SCN10A: variants seen among roughly 807,000 people sequenced by gnomAD.
SCN10A encodes sodium voltage-gated channel alpha subunit 10, also known as sodium channel protein type 10 subunit alpha.
In SCN10A, 162 loss-of-function variants were observed where a neutral mutation model predicts 170.7. The ratio of observed to expected loss-of-function variants is 0.95; its 90% confidence interval spans 0.84 to 1.08. The LOEUF (loss-of-function observed/expected upper bound fraction) is 1.08, where lower values mean the gene tolerates loss of function less well. Ranked by LOEUF, SCN10A falls within the 50% of genes least tolerant of loss-of-function variation. The pLI, the probability that SCN10A is intolerant of heterozygous loss-of-function variation, is 0.00. For missense variants in SCN10A, 2,527 were observed against 2,436.9 expected (o/e 1.04, Z -0.78); for synonymous variants, 985 against 904.6 (o/e 1.09, Z -1.59).
intron 20 of SCN10A, among the ~76,000 whole-genome samples, chr3:38,722,010 G>A (rs2063394621): frequency 6.6e-6 from 1 of 152,184 alleles, no homozygotes; most frequent in Non-Finnish European, 1.5e-5. Context: ...ATAGTGGGAG[G>A]CATACACTCA....
intron 11 of SCN10A, among the ~76,000 whole-genome samples, chr3:38,753,095 G>C (rs1364510293): frequency 6.6e-6 from 1 of 152,206 alleles, no homozygotes; most frequent in African/African-American, 2.4e-5. Context: ...GGCTTGAACA[G>C]TCAACAATGG....
At chr3:38,730,165 G>T (rs916922652) in intron 15 of SCN10A, among the ~76,000 whole-genome samples, 7 of 152,180 alleles carry the variant, frequency 4.6e-5, no homozygotes, top group African/African-American at 1.7e-4. Context: ...ATCCCAAAGA[G>T]CTATACCCTT....
intron 1 of SCN10A, among the ~76,000 whole-genome samples, chr3:38,796,108 A>T (rs77508894): frequency 8.5e-4 from 130 of 152,178 alleles, no homozygotes; most frequent in African/African-American, 3.0e-3. Context: ...TCAGTGTCTC[A>T]TGAGCACCTC....
Position 38,752,497 on chromosome 3 carries a change from C to A in SCN10A, c.1477G>T (p.Ala493Ser). 1.3e-6 allele frequency: 2 copies of A among 1,590,892 alleles called. No individual in the cohort carries two copies. Among genetic ancestry groups the A allele is most frequent in the Non-Finnish European group, 1.7e-6 (2 of 1,167,560 alleles). The change falls in exon 12 of 28, where the codon GCC (alanine) becomes TCC (serine). Residue 493 changes from alanine to serine, a missense_variant. Transcript: ENST00000449082. ...TGACTAGCCCGGCGTTTTCCAGAGG[C>A]GAGGCCTAGAAAAGACTGGGCATTG... ...NQRRMSFLGL[A>S]SGKRRASHGS...
At chr3:38,726,536 T>C (rs2063456754) in intron 17 of SCN10A, 70 bp downstream of exon 17, 1 of 1,263,282 alleles carries the variant, frequency 7.9e-7, no homozygotes, top group East Asian at 2.3e-5. Flanking sequence ...ATTTCCCTTT[T>C]GCCCTTTGTC....
chr3:38,742,575 T>C (rs748883560), intron 13 of SCN10A, 46 bp from the exon 14 acceptor site: 2 of 1,474,952 alleles, frequency 1.4e-6, no homozygotes, highest in Non-Finnish European at 9.5e-7. Context: ...ATGTGTCACC[T>C]TGGACCCCAA....
At position 38,785,163 on chromosome 3, in the gene SCN10A, C is replaced by T. The variant is rs1316816581; in HGVS notation, c.470+3793G>A. Among the ~76,000 whole-genome samples, 33 of 152,020 alleles carry T rather than the reference C, an allele frequency of 2.2e-4. 1 individual carries two copies. The highest frequency in any genetic ancestry group is 2.0e-3 in the Admixed American group (31 of 15,246). ...ATTTCATGTGGAACAAAAAAGAGCC[C>T]GCATAGTCAAGACAATTCTAAGCAA... On this transcript the variant is annotated intron_variant, in intron 4 of 27. Coordinates refer to ENST00000449082, the MANE Select transcript of SCN10A (RefSeq NM_006514.4).
At chr3:38,785,643 A>G (rs967741169) in intron 4 of SCN10A, among the ~76,000 whole-genome samples, 1 of 152,346 alleles carries the variant, frequency 6.6e-6, no homozygotes, top group East Asian at 1.9e-4. Flanking sequence ...GAATCCAATT[A>G]AACTAAAGAG....
At chr3:38,743,904 C>T (rs1262389370) in intron 13 of SCN10A, among the ~76,000 whole-genome samples, 7 of 152,144 alleles carry the variant, frequency 4.6e-5, no homozygotes, top group East Asian at 1.9e-4. Flanking sequence ...TACCTGCCTC[C>T]GTTAAATCTC....
At chr3:38,706,801 C>A (rs750213847) in intron 26 of SCN10A, among the ~76,000 whole-genome samples, 1 of 152,132 alleles carries the variant, frequency 6.6e-6, no homozygotes, top group African/African-American at 2.4e-5. Flanking sequence ...GGCCACTTGA[C>A]CACTACCATG....
intron 11 of SCN10A, among the ~76,000 whole-genome samples, chr3:38,752,913 C>T (rs1204254831): frequency 6.6e-6 from 1 of 152,216 alleles, no homozygotes; most frequent in Non-Finnish European, 1.5e-5. Flanking sequence ...CTACTATGCA[C>T]ACCAGTACTG....
chr3:38,711,241 A>G (rs1311627093), intron 23 of SCN10A, among the ~76,000 whole-genome samples: 3 of 152,148 alleles, frequency 2.0e-5, no homozygotes, highest in African/African-American at 7.2e-5. Flanking sequence ...CAGGGCTGCC[A>G]TTTTCTCAGC....
rs867785573 is a variant in SCN10A at position 38,756,842 on chromosome 3, C to A, written c.1122G>T (p.Met374Ile). The A allele has an allele frequency of 6.2e-7, 1 of 1,614,036 alleles. No homozygotes were observed. Among genetic ancestry groups the A allele is most frequent in the African/African-American group, 1.3e-5 (1 of 74,912 alleles). Residue 374 changes from methionine to isoleucine, a missense_variant, in exon 10 of 28, where the codon ATG (methionine) becomes ATT (isoleucine). Coordinates refer to ENST00000449082, the MANE Select transcript of SCN10A (RefSeq NM_006514.4). Reference protein sequence around the residue: ...QTLRTSGKIYMIFFVLVIFLG... With the variant: ...QTLRTSGKIYIIFFVLVIFLG... ...GGAAGATTACGAGCACAAAAAAGAT[C>A]ATATAGATTTTCCCAGAAGTCCTCA...
At chr3:38,719,351 G>T (rs1199994886) in intron 20 of SCN10A, among the ~76,000 whole-genome samples, 1 of 147,588 alleles carries the variant, frequency 6.8e-6, no homozygotes, top group African/African-American at 2.5e-5. Context: ...TGCTGTGGCT[G>T]TGGGGGGCTG....
chr3:38,793,646 C>T, intron 2 of SCN10A, 95 bp downstream of exon 2: 1 of 1,294,382 alleles, frequency 7.7e-7, no homozygotes, highest in Non-Finnish European at 1.1e-6. Flanking sequence ...CAGACTGCCA[C>T]ATCACCCAGG....
chr3:38,768,904 T>C (rs1056730114), intron 5 of SCN10A, among the ~76,000 whole-genome samples: 1 of 152,190 alleles, frequency 6.6e-6, no homozygotes, highest in African/African-American at 2.4e-5. Flanking sequence ...TTAGGTTTGG[T>C]TGTTTCACAT....
At chr3:38,772,189 CGTT>C (rs1191539746) in intron 4 of SCN10A, among the ~76,000 whole-genome samples, 1 of 152,050 alleles carries the variant, frequency 6.6e-6, no homozygotes, top group African/African-American at 2.4e-5. Flanking sequence ...TTCTGCTCCT[CGTT>C]AAGTTTCCAG....
Position 38,726,392 on chromosome 3 carries a change from C to T in SCN10A, c.3087+214G>A, listed in dbSNP as rs532903401. Among the ~76,000 whole-genome samples, 14 of 152,312 alleles carry T rather than the reference C, an allele frequency of 9.2e-5. No individual in the cohort carries two copies. The South Asian group carries it at 2.9e-3, about 32-fold the overall frequency. ...CCAAGCACCTCAAGGTGGCCTTTTGCTCACCTGCTGCCCCCCACTCCCTGT... is the reference window on the plus strand; with the variant it reads ...CCAAGCACCTCAAGGTGGCCTTTTGTTCACCTGCTGCCCCCCACTCCCTGT... On this transcript the variant is annotated intron_variant, in intron 17 of 27. Transcript: ENST00000449082.
In SCN10A at chr3:38,794,006, TC is replaced by T; in HGVS notation, c.4del (p.Glu2AsnfsTer23). 1 of 1,613,504 alleles carries T rather than the reference TC, an allele frequency of 6.2e-7. No individual in the cohort carries two copies. Among genetic ancestry groups the T allele is most frequent in the Non-Finnish European group, 8.5e-7 (1 of 1,179,636 alleles). On this transcript the variant is annotated frameshift_variant, in exon 2 of 28. Coordinates refer to ENST00000449082, the MANE Select transcript of SCN10A (RefSeq NM_006514.4). LOFTEE classifies it high-confidence loss of function. The stretch of plus-strand genomic sequence containing the variant: ...AGTTTCGAGGGATCCAATGGGGAAT[TC>T]CATCTTCTCATTCTTCTTCAGGAAG... The part of the protein sequence containing the change: M[E>X]FPIGSLETNN...
Sources: gnomAD v4.1 joint callset for allele counts (sites outside exome capture counted in the v4.1 genomes callset) on GRCh38, gnomAD v4.1.1 for gene constraint, MANE v1.5 for transcripts, NCBI Gene and HGNC (gene_info 2026-07-23, HGNC 2026-07-21) for gene names.